The following GRIP1 variants were observed in gnomAD, a reference collection of about 807,000 sequenced individuals.
GRIP1 encodes the protein glutamate receptor interacting protein 1.
GRIP1 carries 45 observed loss-of-function variants against 129.9 expected under a neutral mutation model. The ratio of observed to expected loss-of-function variants is 0.35; its 90% confidence interval spans 0.27 to 0.44. The LOEUF is 0.44. GRIP1 is among the 20% of genes least tolerant of loss of function. The pLI is 1.00. For missense variants in GRIP1, 1,196 were observed against 1,396.8 expected, an observed-to-expected ratio of 0.86 and a Z score of 2.29; for synonymous variants, 530 against 520.8, an observed-to-expected ratio of 1.02 and a Z score of -0.24.
chr12:66,536,714 G>C (rs1283050062), intron 4 of GRIP1, among the ~76,000 whole-genome samples: 1 of 152,148 alleles, frequency 6.6e-6, no homozygotes, highest in Non-Finnish European at 1.5e-5. Flanking sequence ...TATTCATACT[G>C]TATAATTATT....
intron 1 of GRIP1, among the ~76,000 whole-genome samples, chr12:66,985,666 A>G (rs2042301153): frequency 6.6e-6 from 1 of 152,164 alleles, no homozygotes; most frequent in Admixed American, 6.5e-5. Flanking sequence ...TCATCATGTT[A>G]AAGTGGAAAA....
chr12:66,534,785 C>T (rs1038148528), intron 4 of GRIP1, among the ~76,000 whole-genome samples: 17 of 152,106 alleles, frequency 1.1e-4, no homozygotes, highest in Admixed American at 1.3e-4. Context: ...CCTCTGCCTC[C>T]CAGGTTCAAG....
chr12:66,521,570 G>A (rs939951515), intron 5 of GRIP1, among the ~76,000 whole-genome samples: 7 of 152,200 alleles, frequency 4.6e-5, no homozygotes, highest in African/African-American at 9.6e-5. Flanking sequence ...AGCTCCCAGC[G>A]TGAGTGACGC....
At chr12:66,507,120 C>T (rs1247684723) in intron 7 of GRIP1, among the ~76,000 whole-genome samples, 2 of 152,158 alleles carry the variant, frequency 1.3e-5, no homozygotes, top group Non-Finnish European at 2.9e-5. Flanking sequence ...CTGTTTCCAG[C>T]TCATTGAGAT....
At chr12:66,582,157 C>A (rs2063412101) in intron 2 of GRIP1, among the ~76,000 whole-genome samples, 1 of 151,682 alleles carries the variant, frequency 6.6e-6, no homozygotes, top group African/African-American at 2.4e-5. Context: ...ACAAAAACCA[C>A]ATGATTATCT....
chr12:66,485,885 A>G (rs2059940642), intron 7 of GRIP1, among the ~76,000 whole-genome samples: 1 of 152,032 alleles, frequency 6.6e-6, no homozygotes. Context: ...AGATTAATAT[A>G]TATATTCATA....
At chr12:66,962,512 C>T (rs996668426) in intron 1 of GRIP1, among the ~76,000 whole-genome samples, 2 of 152,034 alleles carry the variant, frequency 1.3e-5, no homozygotes, top group Non-Finnish European at 2.9e-5. Flanking sequence ...GCGAAAGTGG[C>T]CTCTCTGCAA....
chr12:66,398,663 AAGG>A (rs2056880245), intron 16 of GRIP1, among the ~76,000 whole-genome samples: 1 of 151,946 alleles, frequency 6.6e-6, no homozygotes, highest in African/African-American at 2.4e-5. Flanking sequence ...GCTCTCAAAC[AAGG>A]AGAAGAGTGA....
chr12:66,610,716 G>A (rs974113982), intron 1 of GRIP1, among the ~76,000 whole-genome samples: 2 of 152,104 alleles, frequency 1.3e-5, no homozygotes, highest in Non-Finnish European at 2.9e-5. Context: ...TGAAACATAT[G>A]CAATGCCAGG....
At chr12:66,590,034 C>A (rs924659767) in intron 2 of GRIP1, among the ~76,000 whole-genome samples, 1 of 151,982 alleles carries the variant, frequency 6.6e-6, no homozygotes, top group Non-Finnish European at 1.5e-5. Context: ...AGGGAAGAGA[C>A]TTTTTCCTTA....
intron 1 of GRIP1, among the ~76,000 whole-genome samples, chr12:66,898,852 A>G (rs1189598885): frequency 6.6e-6 from 1 of 152,190 alleles, no homozygotes; most frequent in African/African-American, 2.4e-5. Context: ...TTTGATGCCT[A>G]GAGGGATAGC....
At position 66,451,379 on chromosome 12, in the gene GRIP1, ATC is replaced by A. The variant is rs1235960619; in HGVS notation, c.1354+4028_1354+4029del. Among the ~76,000 whole-genome samples, 361 of 73,798 alleles carry A rather than the reference ATC, an allele frequency of 4.9e-3. 3 individuals are homozygous for A. The highest frequency in any genetic ancestry group is 0.018 in the African/African-American group (344 of 18,674). 48.4% of individuals were successfully genotyped at this position (73,798 alleles called of 152,430 possible). On this transcript the variant is annotated intron_variant, in intron 11 of 24. Transcript: ENST00000359742. ...AGGACCCCAAAGATTTATTATTATA[ATC>A]TGTTTTTTTTTTTTTTTTTTTTTTT...
intron 2 of GRIP1, among the ~76,000 whole-genome samples, chr12:66,560,302 AG>A (rs2062476923): frequency 6.6e-6 from 1 of 152,156 alleles, no homozygotes; most frequent in East Asian, 1.9e-4. Flanking sequence ...AGGCAACCAA[AG>A]TAAAAATGGA....
chr12:66,390,604 G>A (rs531365675), intron 19 of GRIP1, among the ~76,000 whole-genome samples: 39 of 152,292 alleles, frequency 2.6e-4, no homozygotes, highest in African/African-American at 8.9e-4. Context: ...GGATGGAGTA[G>A]CTAAGGTCTT....
chr12:66,495,568 T>C (rs763258014), intron 7 of GRIP1, among the ~76,000 whole-genome samples: 22 of 152,276 alleles, frequency 1.4e-4, no homozygotes, highest in East Asian at 1.4e-3. Flanking sequence ...AACTTTTTTT[T>C]CCCACAGGTG....
At chr12:66,481,463 G>C (rs1028200197) in intron 7 of GRIP1, among the ~76,000 whole-genome samples, 1 of 152,186 alleles carries the variant, frequency 6.6e-6, no homozygotes, top group Non-Finnish European at 1.5e-5. Flanking sequence ...TGCTGGAGAG[G>C]ATGTGGAGAA....
exon 1 of GRIP1, chr12:67,069,066 T>C (rs2043689320): frequency 2.0e-6 from 2 of 980,806 alleles, no homozygotes; most frequent in South Asian, 4.7e-5. Flanking sequence ...CCTGCTCCTC[T>C]GCCTGCAAGC....
chr12:66,438,888 TC>T (rs1204245216), intron 13 of GRIP1, among the ~76,000 whole-genome samples: 2 of 152,078 alleles, frequency 1.3e-5, no homozygotes, highest in African/African-American at 2.4e-5. Flanking sequence ...ACCCACAAAG[TC>T]CCTGATTTCA....
Position 66,813,909 on chromosome 12 carries a change from T to C in GRIP1, c.59-216982A>G, listed in dbSNP as rs569830476. Among the ~76,000 whole-genome samples the C allele has an allele frequency of 7.2e-4, 110 of 152,302 alleles. 2 individuals are homozygous for C. The highest frequency in any genetic ancestry group is 2.4e-3 in the African/African-American group (101 of 41,576). On this transcript the variant is annotated intron_variant, in intron 1 of 1. Transcript: ENST00000643019. ...ATTTAAGATGAATATTCTGGTTGTT[T>C]ATGGAAAATGGGCAAGAGTGGAAAT...
Sources: allele counts gnomAD v4.1 joint callset (sites outside exome capture counted in the v4.1 genomes callset), GRCh38; gene constraint gnomAD v4.1.1; transcripts MANE v1.5; gene names NCBI Gene and HGNC (gene_info 2026-07-23, HGNC 2026-07-21).